The following ZMAT4 variants were observed in gnomAD, a reference collection of about 807,000 sequenced individuals.
ZMAT4 encodes zinc finger matrin-type protein 4.
Under a neutral mutation model 28.7 loss-of-function variants are expected in ZMAT4, and 17 were observed. The observed-to-expected ratio is 0.59, with a 90% CI of 0.41 to 0.89. The LOEUF (loss-of-function observed/expected upper bound fraction) is 0.89, where lower values mean the gene tolerates loss of function less well. Among genes scored for constraint, ZMAT4 ranks in the 40% least tolerant of loss-of-function variants. The probability of loss-of-function intolerance (pLI) is 0.00; values close to 1 mark genes in which losing one functional copy is unlikely to be tolerated. For synonymous variants in ZMAT4, 117 were observed against 109.2 expected (o/e 1.07, Z -0.44); for missense variants, 240 against 283.8 (o/e 0.85, Z 1.11).
chr8:40,852,525 A>G (rs1712868198), intron 1 of ZMAT4, among the ~76,000 whole-genome samples: 1 of 152,216 alleles, frequency 6.6e-6, no homozygotes, highest in African/African-American at 2.4e-5. Flanking sequence ...ACAGATATAT[A>G]GTTGGAAAAG....
intron 1 of ZMAT4, among the ~76,000 whole-genome samples, chr8:40,835,712 C>T (rs1387820316): frequency 2.0e-5 from 3 of 152,226 alleles, no homozygotes; most frequent in African/African-American, 7.2e-5. Flanking sequence ...CTGTATTCAA[C>T]TGCAGAGGAA....
intron 1 of ZMAT4, among the ~76,000 whole-genome samples, chr8:40,887,762 C>T (rs561109061): frequency 1.6e-4 from 25 of 152,208 alleles, no homozygotes; most frequent in African/African-American, 5.3e-4. Context: ...CCCTGCCTCT[C>T]GGCTCCCCCT....
chr8:40,820,346 ATG>A (rs1311323725), intron 2 of ZMAT4, among the ~76,000 whole-genome samples: 3 of 145,002 alleles, frequency 2.1e-5, no homozygotes, highest in Non-Finnish European at 4.6e-5. Context: ...GTGTGTGTTT[ATG>A]TGTGTGTTTG....
chr8:40,632,536 A>G (rs1258684972), intron 5 of ZMAT4, among the ~76,000 whole-genome samples: 2 of 152,262 alleles, frequency 1.3e-5, no homozygotes, highest in Admixed American at 1.3e-4. Flanking sequence ...GGTGGGCCCT[A>G]AATCCAAAGA....
At chr8:40,560,749 G>A (rs904457042) in intron 6 of ZMAT4, among the ~76,000 whole-genome samples, 6 of 151,978 alleles carry the variant, frequency 3.9e-5, no homozygotes, top group Admixed American at 6.6e-5. Context: ...CTATGACTTC[G>A]AGACTACAAG....
At chr8:40,874,243 C>T (rs1257646784) in intron 1 of ZMAT4, among the ~76,000 whole-genome samples, 1 of 152,228 alleles carries the variant, frequency 6.6e-6, no homozygotes, top group Non-Finnish European at 1.5e-5. Flanking sequence ...ACTGGTGCCA[C>T]CCAGTATTGC....
chr8:40,809,873 A>G (rs1373640127), intron 2 of ZMAT4, among the ~76,000 whole-genome samples: 2 of 151,936 alleles, frequency 1.3e-5, no homozygotes, highest in Non-Finnish European at 2.9e-5. Context: ...GTGAAACCCC[A>G]TCTCTACTAA....
intron 1 of ZMAT4, among the ~76,000 whole-genome samples, chr8:40,859,544 T>C (rs1406467096): frequency 6.6e-6 from 1 of 152,174 alleles, no homozygotes; most frequent in African/African-American, 2.4e-5. Flanking sequence ...GCCCAGCTAT[T>C]GCCTTCAGTG....
At chr8:40,697,576 A>G (rs1445283654) in intron 3 of ZMAT4, among the ~76,000 whole-genome samples, 175 bp from the exon 4 acceptor site, 5 of 151,748 alleles carry the variant, frequency 3.3e-5, no homozygotes, top group Admixed American at 3.3e-4. Flanking sequence ...TTTTTTTATT[A>G]TACTTTAAGT....
At chr8:40,838,985 A>G (rs1816601045) in intron 1 of ZMAT4, among the ~76,000 whole-genome samples, 1 of 152,188 alleles carries the variant, frequency 6.6e-6, no homozygotes, top group Admixed American at 6.5e-5. Context: ...TATGGAAAAG[A>G]CACCCTGGAA....
At chr8:40,544,921 G>T (rs912381259) in intron 6 of ZMAT4, among the ~76,000 whole-genome samples, 1 of 151,940 alleles carries the variant, frequency 6.6e-6, no homozygotes, top group Non-Finnish European at 1.5e-5. Context: ...GTGTAGGCTG[G>T]GTCTGATGAC....
chr8:40,653,858 C>T (rs904891607), intron 5 of ZMAT4, among the ~76,000 whole-genome samples: 12 of 152,166 alleles, frequency 7.9e-5, no homozygotes, highest in African/African-American at 2.9e-4. Context: ...ACCAATCCTT[C>T]ACAAAGTCTT....
chr8:40,581,192 T>C lies in ZMAT4; in HGVS notation c.647A>G (p.His216Arg), dbSNP rs1043547823. The change falls in exon 6 of 7, where the codon CAT becomes CGT. Residue 216 changes from histidine to arginine, a missense_variant. By Grantham distance (29) the His-to-Arg change is conservative (BLOSUM62 0). Coordinates refer to ENST00000297737, the MANE Select transcript of ZMAT4 (RefSeq NM_024645.3). Reference protein sequence around the residue: ...SLNSIEQYHAHLKGSKHQTNL... With the variant: ...SLNSIEQYHARLKGSKHQTNL... Reference sequence around the variant, plus strand: ...GGTCTGGTGTTTAGATCCTTTCAGATGGGCATGATACTGTTCTATTGAGTT... The same window carrying C: ...GGTCTGGTGTTTAGATCCTTTCAGACGGGCATGATACTGTTCTATTGAGTT... The C allele has an allele frequency of 1.9e-6, 3 of 1,613,170 alleles. No individual in the cohort carries two copies. Among genetic ancestry groups the C allele is most frequent in the Non-Finnish European group, 2.5e-6 (3 of 1,179,432 alleles).
chr8:40,660,011 T>A (rs1367738780), intron 5 of ZMAT4, among the ~76,000 whole-genome samples: 2 of 152,330 alleles, frequency 1.3e-5, no homozygotes, highest in African/African-American at 4.8e-5. Flanking sequence ...TCACTGCAAA[T>A]CATTTAACAG....
At chr8:40,875,332 C>G (rs1001526910) in intron 1 of ZMAT4, among the ~76,000 whole-genome samples, 5 of 152,166 alleles carry the variant, frequency 3.3e-5, no homozygotes, top group South Asian at 2.1e-4. Flanking sequence ...ACCAACCCCC[C>G]AGGTGTGGTG....
At chr8:40,724,640 A>T (rs768121873) in intron 3 of ZMAT4, among the ~76,000 whole-genome samples, 2 of 152,206 alleles carry the variant, frequency 1.3e-5, no homozygotes, top group African/African-American at 4.8e-5. Context: ...ACCTCAATGC[A>T]CTGTGATGGG....
chr8:40,741,796 C>T (rs371701288), intron 3 of ZMAT4, among the ~76,000 whole-genome samples: 9 of 151,594 alleles, frequency 5.9e-5, no homozygotes, highest in South Asian at 4.2e-4. Flanking sequence ...AAAATAATAG[C>T]GAAAAGTTGG....
intron 6 of ZMAT4, among the ~76,000 whole-genome samples, chr8:40,571,791 T>A (rs936113913): frequency 1.3e-5 from 2 of 152,300 alleles, no homozygotes; most frequent in Non-Finnish European, 2.9e-5. Flanking sequence ...AACTTTACAT[T>A]CTTTGGAAAA....
intron 5 of ZMAT4, among the ~76,000 whole-genome samples, chr8:40,667,146 TA>T (rs1185824647): frequency 6.6e-5 from 10 of 151,818 alleles, no homozygotes; most frequent in Non-Finnish European, 1.2e-4. Flanking sequence ...CTTTTTTTTT[TA>T]TTTTTTTTAT....
Sources: allele counts gnomAD v4.1 joint callset (sites outside exome capture counted in the v4.1 genomes callset), GRCh38; gene constraint gnomAD v4.1.1; transcripts MANE v1.5; gene names NCBI Gene and HGNC (gene_info 2026-07-23, HGNC 2026-07-21).